ACVR1: variants seen among roughly 807,000 people sequenced by gnomAD.
ACVR1 encodes activin A receptor type 1.
A neutral mutation model predicts 57.1 loss-of-function variants in ACVR1; 38 were observed. The ratio of observed to expected loss-of-function variants is 0.67; its 90% CI spans 0.51 to 0.87. The LOEUF is 0.87. Ranked by LOEUF, ACVR1 falls within the 40% of genes least tolerant of loss-of-function variation. The pLI is 0.00. For synonymous variants in ACVR1, 212 were observed against 228.1 expected, an observed-to-expected ratio of 0.93 and a Z score of 0.63; for missense variants, 463 against 638.2, an observed-to-expected ratio of 0.73 and a Z score of 2.96.
intron 1 of ACVR1, among the ~76,000 whole-genome samples, chr2:157,860,459 G>A (rs1689682204): frequency 6.6e-6 from 1 of 152,194 alleles, no homozygotes; most frequent in Non-Finnish European, 1.5e-5. Context: ...TTCCACTGTG[G>A]AACAAATGTG....
chr2:157,769,452 G>A (rs149144518), intron 7 of ACVR1, among the ~76,000 whole-genome samples: 19 of 152,286 alleles, frequency 1.2e-4, no homozygotes, highest in African/African-American at 4.1e-4. Context: ...ATCAACTACA[G>A]AAACTGAAAA....
At chr2:157,863,549 T>C (rs1689810513) in intron 1 of ACVR1, among the ~76,000 whole-genome samples, 1 of 150,234 alleles carries the variant, frequency 6.7e-6, no homozygotes, top group Non-Finnish European at 1.5e-5. Flanking sequence ...ATACAAAAAT[T>C]AGCTGGGTGC....
intron 3 of ACVR1, among the ~76,000 whole-genome samples, chr2:157,792,143 T>C (rs1465308477): frequency 6.6e-6 from 1 of 152,124 alleles, no homozygotes; most frequent in Non-Finnish European, 1.5e-5. Flanking sequence ...AGGTTTTTTT[T>C]TTTAAGGTGA....
chr2:157,745,732 T>C lies in ACVR1; in HGVS notation c.1265-7162A>G, dbSNP rs1684942040. ...GGCCCTAATATGATTTATCCTCTTA[T>C]GCAAACCTTAATACACACAAAAGTA... On this transcript the variant is annotated intron_variant, in intron 9 of 10. Transcript: ENST00000434821. 2.0e-5 allele frequency among the ~76,000 whole-genome samples: 3 copies of C among 152,186 alleles called. No individual in the cohort carries two copies. The South Asian group carries it at 6.2e-4, about 32-fold the overall frequency.
At chr2:157,817,469 T>G (rs1574102886) in intron 2 of ACVR1, among the ~76,000 whole-genome samples, 1 of 152,328 alleles carries the variant, frequency 6.6e-6, no homozygotes, top group East Asian at 1.9e-4. Context: ...ATGTCATTAC[T>G]CATTTGTCCA....
intron 9 of ACVR1, among the ~76,000 whole-genome samples, chr2:157,759,520 A>C (rs1211575167): frequency 6.6e-6 from 1 of 152,104 alleles, no homozygotes; most frequent in Non-Finnish European, 1.5e-5. Flanking sequence ...AATTCTTCCA[A>C]ACTTAAATAG....
At chr2:157,857,015 A>G (rs868567342) in intron 1 of ACVR1, among the ~76,000 whole-genome samples, 2 of 152,118 alleles carry the variant, frequency 1.3e-5, no homozygotes, top group South Asian at 2.1e-4. Flanking sequence ...CCTGGGCAAC[A>G]TGGTGAAATC....
intron 7 of ACVR1, among the ~76,000 whole-genome samples, chr2:157,767,403 C>T (rs1477864275): frequency 2.3e-4 from 35 of 152,094 alleles, no homozygotes; most frequent in Non-Finnish European, 2.1e-4. Flanking sequence ...AAGTTAGGGG[C>T]ACTTCCTATC....
intron 1 of ACVR1, among the ~76,000 whole-genome samples, chr2:157,870,749 A>G (rs1690091696): frequency 6.6e-6 from 1 of 152,244 alleles, no homozygotes; most frequent in African/African-American, 2.4e-5. Context: ...AAAAGAAAGA[A>G]AGAAACATAT....
intron 1 of ACVR1, among the ~76,000 whole-genome samples, chr2:157,852,890 A>G (rs1240719004): frequency 6.6e-6 from 1 of 152,178 alleles, no homozygotes; most frequent in African/African-American, 2.4e-5. Context: ...TGCTGACCGG[A>G]AAACAATGAA....
chr2:157,779,355 T>C (rs1422618497), intron 4 of ACVR1, among the ~76,000 whole-genome samples: 4 of 152,244 alleles, frequency 2.6e-5, no homozygotes, highest in African/African-American at 9.6e-5. Context: ...GTTTTAACCA[T>C]GTAAATACTT....
intron 9 of ACVR1, among the ~76,000 whole-genome samples, chr2:157,755,499 A>C (rs1685388241): frequency 6.6e-6 from 1 of 151,892 alleles, no homozygotes; most frequent in Non-Finnish European, 1.5e-5. Flanking sequence ...CAAGAACTCA[A>C]TCCCTTTTAC....
intron 9 of ACVR1, among the ~76,000 whole-genome samples, chr2:157,753,950 A>T (rs1685312238): frequency 6.6e-6 from 1 of 152,226 alleles, no homozygotes; most frequent in African/African-American, 2.4e-5. Flanking sequence ...ATCAACTCCA[A>T]AAGGAACCTT....
chr2:157,746,706 T>C (rs1178167279), intron 9 of ACVR1, among the ~76,000 whole-genome samples: 2 of 152,262 alleles, frequency 1.3e-5, no homozygotes, highest in Non-Finnish European at 2.9e-5. Flanking sequence ...TTCAGTACTC[T>C]AGGTGACTGT....
rs113996000 is a variant in ACVR1 at position 157,742,733 on chromosome 2, T to C, written c.1265-4163A>G. 6.6e-3 allele frequency among the ~76,000 whole-genome samples: 1,010 copies of C among 152,248 alleles called. 8 individuals are homozygous for C. Among genetic ancestry groups the C allele is most frequent in the African/African-American group, 0.022 (919 of 41,534 alleles). On this transcript the variant is annotated intron_variant, in intron 9 of 10. Transcript: ENST00000434821. Reference sequence around the variant, plus strand: ...ATCAAATATGTCCTAGACATGCACTTTGAAAAGCATGAAACGCCAGTAGCC... The same window carrying C: ...ATCAAATATGTCCTAGACATGCACTCTGAAAAGCATGAAACGCCAGTAGCC...
At chr2:157,797,526 C>T (rs1361716896) in intron 3 of ACVR1, among the ~76,000 whole-genome samples, 1 of 152,186 alleles carries the variant, frequency 6.6e-6, no homozygotes, top group African/African-American at 2.4e-5. Context: ...AGAGTTTAGG[C>T]TTTCTCTATC....
chr2:157,739,471 C>T (rs927360150), intron 9 of ACVR1, among the ~76,000 whole-genome samples: 5 of 152,180 alleles, frequency 3.3e-5, no homozygotes, highest in Admixed American at 6.5e-5. Context: ...ATGGATTCTT[C>T]CCCTTCATAG....
At chr2:157,864,836 T>C (rs1178946177) in intron 1 of ACVR1, among the ~76,000 whole-genome samples, 1 of 152,092 alleles carries the variant, frequency 6.6e-6, no homozygotes, top group Non-Finnish European at 1.5e-5. Context: ...ATTATAAAAA[T>C]AAAACTTTTT....
At chr2:157,865,045 T>A (rs1379556775) in intron 1 of ACVR1, among the ~76,000 whole-genome samples, 2 of 147,962 alleles carry the variant, frequency 1.4e-5, no homozygotes, top group East Asian at 2.0e-4. Flanking sequence ...AGTAAAGCTG[T>A]GCTTAGCAAG....
Sources: allele counts gnomAD v4.1 joint callset (sites outside exome capture counted in the v4.1 genomes callset), GRCh38; gene constraint gnomAD v4.1.1; transcripts MANE v1.5; gene names NCBI Gene and HGNC (gene_info 2026-07-23, HGNC 2026-07-21).